KAZN: variants seen among roughly 807,000 people sequenced by gnomAD.
KAZN encodes kazrin.
A neutral mutation model predicts 87.4 loss-of-function variants in KAZN; 40 were observed. The ratio of observed to expected loss-of-function variants is 0.46; its 90% CI spans 0.36 to 0.60. KAZN has a LOEUF of 0.60. Among genes scored for constraint, KAZN ranks in the 20% least tolerant of loss-of-function variants. The pLI is 0.00. For synonymous variants in KAZN, 466 were observed against 458.3 expected, an observed-to-expected ratio of 1.02 and a Z score of -0.22; for missense variants, 898 against 1,073.9, an observed-to-expected ratio of 0.84 and a Z score of 2.29.
chr1:14,706,883 C>A (rs1194711259), intron 1 of KAZN, among the ~76,000 whole-genome samples: 3 of 152,198 alleles, frequency 2.0e-5, no homozygotes, highest in Non-Finnish European at 4.4e-5. Flanking sequence ...TCACCCACCT[C>A]CCCGCCACCC....
Position 15,003,878 on chromosome 1 carries a change from T to C in KAZN, c.419-30871T>C, listed in dbSNP as rs138739063. On this transcript the variant is annotated intron_variant, in intron 2 of 14. Coordinates refer to ENST00000376030, the MANE Select transcript of KAZN (RefSeq NM_201628.3). ...TTCAGCCTCTGTCCCCAGGTGTCAC[T>C]CACAGTGTCCCCTGCCCACATACAC... Among the ~76,000 whole-genome samples the C allele has an allele frequency of 3.5e-3, 529 of 152,282 alleles. 5 individuals are homozygous for C. The highest frequency in any genetic ancestry group is 0.012 in the African/African-American group (510 of 41,560).
intron 1 of KAZN, among the ~76,000 whole-genome samples, chr1:13,956,919 C>T (rs1472572033): frequency 6.6e-6 from 1 of 152,092 alleles, no homozygotes; most frequent in African/African-American, 2.4e-5. Context: ...CTATGGCATC[C>T]CAGGTCAGGA....
chr1:15,021,805 C>G lies in KAZN; in HGVS notation c.419-12944C>G, dbSNP rs577051288. Reference sequence around the variant, plus strand: ...TTCCAGCCCTTTCTCATTGGAAGCCCTGGCTCCTGGCATCTGTATGAGTTC... The same window carrying G: ...TTCCAGCCCTTTCTCATTGGAAGCCGTGGCTCCTGGCATCTGTATGAGTTC... On this transcript the variant is annotated intron_variant, in intron 2 of 14. Coordinates refer to ENST00000376030, the MANE Select transcript of KAZN (RefSeq NM_201628.3). The surrounding 1 kb of genome is among the most constrained non-coding windows in gnomAD (Gnocchi z 4.2). Among the ~76,000 whole-genome samples, 1 of 152,314 alleles carries G rather than the reference C, an allele frequency of 6.6e-6. No individual in the cohort carries two copies. Among genetic ancestry groups the G allele is most frequent in the African/African-American group, 2.4e-5 (1 of 41,574 alleles).
At chr1:14,368,942 G>T (rs1660240330) in intron 2 of KAZN, among the ~76,000 whole-genome samples, 1 of 152,128 alleles carries the variant, frequency 6.6e-6, no homozygotes. Context: ...GTGTCAGGCA[G>T]GACCATTTCT....
At chr1:14,653,153 GA>G (rs1387106888) in intron 1 of KAZN, among the ~76,000 whole-genome samples, 1 of 152,232 alleles carries the variant, frequency 6.6e-6, no homozygotes, top group Non-Finnish European at 1.5e-5. Flanking sequence ...GGGTGGTTCA[GA>G]AACAAGTCCA....
chr1:14,668,977 A>G lies in KAZN; in HGVS notation c.226+69754A>G, dbSNP rs181387802. ...AGAGACCCCGGAGACCCTTTCAGAC[A>G]GAGAACATTTATCATGGCCTTGGAC... On this transcript the variant is annotated intron_variant, in intron 1 of 14. Coordinates refer to ENST00000376030, the MANE Select transcript of KAZN (RefSeq NM_201628.3). Among the ~76,000 whole-genome samples the G allele has an allele frequency of 1.7e-3, 258 of 152,348 alleles. 4 individuals are homozygous for G. In the South Asian group the frequency reaches 0.022, roughly 13 times the overall value.
At chr1:14,442,398 G>A (rs1666754780) in intron 2 of KAZN, among the ~76,000 whole-genome samples, 1 of 152,190 alleles carries the variant, frequency 6.6e-6, no homozygotes, top group African/African-American at 2.4e-5. Flanking sequence ...TTAGCTGCAG[G>A]AACAGGGACT....
At chr1:13,998,274 C>T (rs557741507) in intron 1 of KAZN, among the ~76,000 whole-genome samples, 1 of 152,064 alleles carries the variant, frequency 6.6e-6, no homozygotes, top group Non-Finnish European at 1.5e-5. Context: ...AAAAACACAC[C>T]AAAATATAAA....
intron 1 of KAZN, among the ~76,000 whole-genome samples, chr1:14,099,064 C>A (rs541713921): frequency 1.4e-4 from 21 of 152,252 alleles, no homozygotes; most frequent in African/African-American, 5.1e-4. Flanking sequence ...GTTCAGTGTT[C>A]TACTTAGTTT....
In KAZN at chr1:15,114,716, T is replaced by C; in HGVS notation, c.*81T>C. On this transcript the variant is annotated 3_prime_UTR_variant, in exon 15 of 15. Coordinates refer to ENST00000376030, the MANE Select transcript of KAZN (RefSeq NM_201628.3). ...AGATGGCCCCAGGTGTCGTTCTCACTGTACATAGCGGCCGCAGGCTGAGGA... is the reference window on the plus strand; with the variant it reads ...AGATGGCCCCAGGTGTCGTTCTCACCGTACATAGCGGCCGCAGGCTGAGGA... 1 of 1,387,572 alleles carries C rather than the reference T, an allele frequency of 7.2e-7. No homozygotes were observed. The highest frequency in any genetic ancestry group is 9.7e-7 in the Non-Finnish European group (1 of 1,026,316). 86.0% of individuals were successfully genotyped at this position (1,387,572 alleles called of 1,614,324 possible). A position where few individuals can be genotyped will look rare whatever the true frequency, so the allele number is the denominator to read the frequency against.
intron 2 of KAZN, among the ~76,000 whole-genome samples, chr1:14,477,563 G>A (rs754555958): frequency 8.6e-5 from 13 of 151,864 alleles, no homozygotes; most frequent in East Asian, 3.9e-4. Flanking sequence ...AGGCTTGTGC[G>A]TCTCTTCTGA....
chr1:13,971,900 C>T (rs1208791956), intron 1 of KAZN, among the ~76,000 whole-genome samples: 1 of 152,176 alleles, frequency 6.6e-6, no homozygotes, highest in Non-Finnish European at 1.5e-5. Flanking sequence ...GCCTTCCTCC[C>T]CCTTTGCCTT....
chr1:14,309,159 T>C (rs1305630066), intron 2 of KAZN, among the ~76,000 whole-genome samples: 1 of 152,142 alleles, frequency 6.6e-6, no homozygotes, highest in Non-Finnish European at 1.5e-5. Flanking sequence ...ATAACTGGAA[T>C]TTAGGCTAGA....
intron 1 of KAZN, among the ~76,000 whole-genome samples, chr1:14,678,258 G>A (rs1051110961): frequency 6.6e-6 from 1 of 152,200 alleles, no homozygotes; most frequent in Non-Finnish European, 1.5e-5. Context: ...GCAGAAGAAG[G>A]TGGAAGAAGC....
chr1:14,991,705 GA>G (rs1195134570), intron 2 of KAZN, among the ~76,000 whole-genome samples: 5 of 152,208 alleles, frequency 3.3e-5, no homozygotes, highest in African/African-American at 1.2e-4. Flanking sequence ...GCCCCAGGGG[GA>G]TTGGAGCACA....
At chr1:14,438,385 AT>A (rs1328246807) in intron 2 of KAZN, among the ~76,000 whole-genome samples, 2 of 152,180 alleles carry the variant, frequency 1.3e-5, no homozygotes, top group African/African-American at 4.8e-5. Context: ...GACATATGAC[AT>A]GTCAGATGGG....
At chr1:14,028,242 A>T (rs1296674111) in intron 1 of KAZN, among the ~76,000 whole-genome samples, 2 of 152,040 alleles carry the variant, frequency 1.3e-5, no homozygotes, top group African/African-American at 4.8e-5. Context: ...TCGTTTCTTC[A>T]TTCTGGCAGG....
chr1:14,197,380 T>G (rs200312247), intron 2 of KAZN, among the ~76,000 whole-genome samples: 3 of 91,202 alleles, frequency 3.3e-5, no homozygotes, highest in African/African-American at 1.5e-4. Context: ...AAAAAAAAAG[T>G]AAATGTTAAA....
intron 1 of KAZN, among the ~76,000 whole-genome samples, chr1:14,824,740 CAG>C (rs1195033144): frequency 6.6e-6 from 1 of 152,232 alleles, no homozygotes; most frequent in Non-Finnish European, 1.5e-5. Flanking sequence ...CCTTGAGCCT[CAG>C]TGTTGCCTCC....
Sources: allele counts gnomAD v4.1 joint callset (sites outside exome capture counted in the v4.1 genomes callset), GRCh38; gene constraint gnomAD v4.1.1; non-coding constraint Gnocchi (gnomAD v3.1); transcripts MANE v1.5; gene names NCBI Gene and HGNC (gene_info 2026-07-23, HGNC 2026-07-21).